SLC22A15: variants seen among roughly 807,000 people sequenced by gnomAD.
SLC22A15 encodes solute carrier family 22 member 15, also known as flipt 1.
Under a neutral mutation model 62.7 loss-of-function variants are expected in SLC22A15, and 45 were observed. The ratio of observed to expected loss-of-function variants is 0.72; its 90% CI spans 0.56 to 0.92. The LOEUF (loss-of-function observed/expected upper bound fraction) is 0.92, where lower values mean the gene tolerates loss of function less well. Among genes scored for constraint, SLC22A15 ranks in the 40% least tolerant of loss-of-function variants. SLC22A15 has a pLI of 0.00. For synonymous variants in SLC22A15, 264 were observed against 267.0 expected (o/e 0.99, Z 0.11); for missense variants, 622 against 665.6 (o/e 0.93, Z 0.72).
At chr1:116,020,456 T>A (rs2101322812) in intron 3 of SLC22A15, among the ~76,000 whole-genome samples, 1 of 150,908 alleles carries the variant, frequency 6.6e-6, no homozygotes, top group East Asian at 2.0e-4. Context: ...CCCGGGAGGC[T>A]GAGGCAGGAG....
At chr1:116,048,646 C>T (rs1455427863) in intron 8 of SLC22A15, among the ~76,000 whole-genome samples, 1 of 152,152 alleles carries the variant, frequency 6.6e-6, no homozygotes, top group African/African-American at 2.4e-5. Flanking sequence ...GCATAAATCA[C>T]ACAGGACCTA....
chr1:116,042,214 GCA>G (rs752636121), intron 8 of SLC22A15, among the ~76,000 whole-genome samples: 2 of 151,376 alleles, frequency 1.3e-5, no homozygotes, highest in Non-Finnish European at 2.9e-5. Flanking sequence ...AACCAAAAAT[GCA>G]CAGATGATAG....
rs1165781272 is a variant in SLC22A15 at position 116,026,894 on chromosome 1, A to T, written c.600A>T (p.Gly200=). The change falls in exon 5 of 12, where the codon GGA becomes GGT. Residue 200 remains glycine (G), a splice_region_variant and synonymous_variant. Coordinates refer to ENST00000369503, the MANE Select transcript of SLC22A15 (RefSeq NM_018420.3). ...CVGTAYWALA[G]SIGGLFFAVG... The stretch of plus-strand genomic sequence containing the variant: ...ACAGTTCTCTTTTCCCTGAATTAGG[A>T]TCGATTGGCGGCCTGTTCTTTGCAG... 3.7e-6 allele frequency: 6 copies of T among 1,612,762 alleles called. No homozygotes were observed. The highest frequency in any genetic ancestry group is 3.3e-5 in the Admixed American group (2 of 59,992).
At chr1:116,040,521 A>G (rs1435679199) in intron 8 of SLC22A15, among the ~76,000 whole-genome samples, 2 of 152,246 alleles carry the variant, frequency 1.3e-5, no homozygotes, top group Non-Finnish European at 2.9e-5. Flanking sequence ...AAGGTTGCAT[A>G]GCAAGTAAGT....
At chr1:116,030,902 A>T (rs116235394) in intron 5 of SLC22A15, among the ~76,000 whole-genome samples, 3,586 of 152,000 alleles carry the variant, frequency 0.024, 140 homozygotes, top group African/African-American at 0.083. Context: ...TCCTGATGAG[A>T]TAATAAAGAT....
chr1:116,044,103 C>T (rs929676208), intron 8 of SLC22A15, among the ~76,000 whole-genome samples: 7 of 152,134 alleles, frequency 4.6e-5, no homozygotes, highest in African/African-American at 1.7e-4. Context: ...CCTCTAAGGG[C>T]CTGCAATTAC....
intron 2 of SLC22A15, among the ~76,000 whole-genome samples, chr1:115,999,743 G>A (rs1655626507): frequency 6.6e-6 from 1 of 151,978 alleles, no homozygotes; most frequent in African/African-American, 2.4e-5. Flanking sequence ...AGCTCAGGCA[G>A]TCTGCCTGCC....
At chr1:116,032,835 A>G (rs1657473132) in intron 6 of SLC22A15, 1 of 161,808 alleles carries the variant, frequency 6.2e-6, no homozygotes, top group Non-Finnish European at 1.3e-5. Flanking sequence ...ATAAAACTTT[A>G]CATTTGTGTA....
At chr1:116,065,421 A>G (rs1658473212) in intron 10 of SLC22A15, among the ~76,000 whole-genome samples, 1 of 152,222 alleles carries the variant, frequency 6.6e-6, no homozygotes, top group Admixed American at 6.5e-5. Context: ...TGTTAGAGAT[A>G]TCTGACTTTG....
chr1:116,063,049 T>C (rs1404944362), intron 9 of SLC22A15, among the ~76,000 whole-genome samples, 167 bp downstream of exon 9: 1 of 152,250 alleles, frequency 6.6e-6, no homozygotes, highest in Non-Finnish European at 1.5e-5. Context: ...GACTGCTCTC[T>C]GCCTGCTCTG....
intron 6 of SLC22A15, chr1:116,031,789 ATGG>A: frequency 1.4e-6 from 2 of 1,416,616 alleles, no homozygotes; most frequent in Non-Finnish European, 1.8e-6. Context: ...ATAGTGCCTG[ATGG>A]GCAGGTCCAC....
At chr1:116,044,188 G>A (rs1483356090) in intron 8 of SLC22A15, among the ~76,000 whole-genome samples, 1 of 152,206 alleles carries the variant, frequency 6.6e-6, no homozygotes, top group Non-Finnish European at 1.5e-5. Flanking sequence ...TTATTAATAT[G>A]GATGTAAAAA....
rs529738399 is a variant in SLC22A15, at chr1:116,066,653, C to T, written c.1499C>T (p.Ser500Leu). The change falls in exon 11 of 12, where the codon TCG becomes TTG. Residue 500 changes from serine to leucine, a missense_variant. Transcript: ENST00000369503. ...LETFSDLQVYSYRRLGEEALS... is the reference protein window; with the variant it reads ...LETFSDLQVYLYRRLGEEALS... Reference sequence around the variant, plus strand: ...ACATTCTCCGACCTTCAGGTGTATTCGTATCGCAGGCTGGGAGAAGAAGCA... The same window carrying T: ...ACATTCTCCGACCTTCAGGTGTATTTGTATCGCAGGCTGGGAGAAGAAGCA... 19 of 1,612,702 alleles carry T rather than the reference C, an allele frequency of 1.2e-5. 1 individual carries two copies. Among genetic ancestry groups the T allele is most frequent in the South Asian group, 7.7e-5 (7 of 90,738 alleles).
intron 5 of SLC22A15, among the ~76,000 whole-genome samples, chr1:116,027,879 C>G (rs1026850867): frequency 2.6e-5 from 4 of 152,226 alleles, no homozygotes; most frequent in African/African-American, 9.6e-5. Flanking sequence ...CCCACCTCAG[C>G]CTCCCAAAGT....
intron 5 of SLC22A15, 47 bp from the exon 6 acceptor site, chr1:116,031,319 C>T (rs1657382036): frequency 7.1e-7 from 1 of 1,415,050 alleles, no homozygotes; most frequent in Non-Finnish European, 9.8e-7. Context: ...CCTTCCTGTG[C>T]ACGTGTACCT....
At chr1:116,060,021 G>C (rs1023600446) in intron 8 of SLC22A15, among the ~76,000 whole-genome samples, 2 of 151,888 alleles carry the variant, frequency 1.3e-5, no homozygotes, top group South Asian at 4.1e-4. Flanking sequence ...CTTTTAAATC[G>C]CTCTTTTTTC....
At chr1:116,016,941 C>T (rs887627852) in intron 2 of SLC22A15, among the ~76,000 whole-genome samples, 11 of 152,182 alleles carry the variant, frequency 7.2e-5, no homozygotes, top group Non-Finnish European at 1.3e-4. Flanking sequence ...ATTGCATTCT[C>T]ATAAAGTGGC....
At position 116,019,537 on chromosome 1, in the gene SLC22A15, C is replaced by G. The variant is rs1196864032; in HGVS notation, c.301-45C>G. 3 of 1,541,756 alleles carry G rather than the reference C, an allele frequency of 1.9e-6. No homozygotes were observed. In the Admixed American group the frequency reaches 7.0e-5, roughly 36 times the overall value. ...TGTTGCACATTTGGTTTTTTAATAG[C>G]TAACTGAATCCTACATGTCTCTCTT... On this transcript the variant is annotated intron_variant, in intron 2 of 11. Transcript: ENST00000369503.
chr1:115,981,828 A>T (rs1249635521), intron 1 of SLC22A15, among the ~76,000 whole-genome samples: 2 of 152,242 alleles, frequency 1.3e-5, no homozygotes, highest in Non-Finnish European at 2.9e-5. Context: ...TGAAGGTATT[A>T]TCTTCCAAGA....
Sources: allele counts gnomAD v4.1 joint callset (sites outside exome capture counted in the v4.1 genomes callset), GRCh38; gene constraint gnomAD v4.1.1; transcripts MANE v1.5; gene names NCBI Gene and HGNC (gene_info 2026-07-23, HGNC 2026-07-21).